CCDC92B: variants seen among roughly 807,000 people sequenced by gnomAD.
The protein encoded by CCDC92B is coiled-coil domain-containing 92B.
A neutral mutation model predicts 5.6 loss-of-function variants in CCDC92B; 2 were observed. The observed-to-expected ratio is 0.36, with a 90% CI of 0.15 to 1.12. CCDC92B has a LOEUF of 1.12. Ranked by LOEUF, CCDC92B falls within the 50% of genes most tolerant of loss-of-function variation. The probability of loss-of-function intolerance (pLI) is 0.40; values close to 1 mark genes in which losing one functional copy is unlikely to be tolerated. For missense variants in CCDC92B, 271 were observed against 262.2 expected, an observed-to-expected ratio of 1.03 and a Z score of -0.23; for synonymous variants, 115 against 122.3, an observed-to-expected ratio of 0.94 and a Z score of 0.39.
rs551261062 is a variant in CCDC92B, at chr17:2,728,598, G to A, written c.178+1848C>T. Among the ~76,000 whole-genome samples the A allele has an allele frequency of 8.5e-3, 1,048 of 123,248 alleles. 8 individuals carry two copies. Among genetic ancestry groups the A allele is most frequent in the African/African-American group, 0.028 (986 of 34,776 alleles). The allele number at this position is 123,248 out of a possible 152,430, so 80.9% of individuals were successfully genotyped here. ...AGCCTGGGCGACAGAGCGAGACTCC[G>A]TCTCAAAAAAAAAAAACAAAAAAAA... is the stretch of plus-strand genomic sequence containing the variant. On this transcript the variant is annotated intron_variant, in intron 3 of 3. Transcript: ENST00000614400.
intron 1 of CCDC92B, among the ~76,000 whole-genome samples, chr17:2,744,589 A>G (rs1341255736): frequency 1.3e-5 from 2 of 151,326 alleles, no homozygotes; most frequent in Non-Finnish European, 3.0e-5. Context: ...TACCTAGCAC[A>G]GTATGTGGCA....
Position 2,723,838 on chromosome 17 carries a change from CT to C in CCDC92B, c.*572del, listed in dbSNP as rs2070687577. On this transcript the variant is annotated 3_prime_UTR_variant, in exon 4 of 4. Transcript: ENST00000614400. The stretch of plus-strand genomic sequence containing the variant: ...CACCAGGGGCTCTGGGAGGACGTGT[CT>C]TCTAAAGTGTTCCGTGCTCACCTGC... 5.9e-6 allele frequency: 3 copies of C among 506,414 alleles called. No homozygotes were observed. Among genetic ancestry groups the C allele is most frequent in the Non-Finnish European group, 7.7e-6 (3 of 391,568 alleles). The allele number at this position is 506,414 out of a possible 1,614,324, so 31.4% of individuals were successfully genotyped here.
Position 2,724,489 on chromosome 17 carries a change from C to A in CCDC92B, c.690G>T (p.Pro230=). 2 of 980,662 alleles carry A rather than the reference C, an allele frequency of 2.0e-6. No individual in the cohort carries two copies. The highest frequency in any genetic ancestry group is 9.3e-5 in the South Asian group (2 of 21,400). The allele number at this position is 980,662 out of a possible 1,614,324, so 60.7% of individuals were successfully genotyped here. ...LRPSARSPRQ[P]PPQEPPDRAG... is the part of the protein sequence containing the mutation. Reference sequence around the variant, plus strand: ...CTCGGTCCGGGGGCTCCTGGGGAGGCGGCTGGCGCGGGCTGCGGGCGCTGG... The same window carrying A: ...CTCGGTCCGGGGGCTCCTGGGGAGGAGGCTGGCGCGGGCTGCGGGCGCTGG... Residue 230 remains proline (P), a synonymous_variant, in exon 4 of 4, where the codon CCG becomes CCT. Coordinates refer to ENST00000614400, the MANE Select transcript of CCDC92B (RefSeq NM_001355573.2). The surrounding 1 kb of genome is among the most constrained non-coding windows in gnomAD (Gnocchi z 5.0).
At position 2,724,903 on chromosome 17, in the gene CCDC92B, C is replaced by T. The variant is rs1198875962; in HGVS notation, c.276G>A (p.Ala92=). The T allele has an allele frequency of 2.0e-6, 2 of 985,108 alleles. No homozygotes were observed. Among genetic ancestry groups the T allele is most frequent in the Non-Finnish European group, 2.4e-6 (2 of 829,846 alleles). 61.0% of individuals were successfully genotyped at this position (985,108 alleles called of 1,614,324 possible). A position where few individuals can be genotyped will look rare whatever the true frequency, so the allele number is the denominator to read the frequency against. Residue 92 remains alanine (A), a synonymous_variant, in exon 4 of 4, where the codon GCG becomes GCA. Coordinates refer to ENST00000614400, the MANE Select transcript of CCDC92B (RefSeq NM_001355573.2). The surrounding 1 kb of genome is among the most constrained non-coding windows in gnomAD (Gnocchi z 5.0). ...AANAELRREV[A]QREALVSALR... is the part of the protein sequence containing the mutation. ...GCGCGGACACCAGCGCCTCGCGCTG[C>T]GCCACCTCCCGCCGCAGCTCCGCGT...
rs912028955 is a variant in CCDC92B, at chr17:2,724,619, G to C, written c.560C>G (p.Pro187Arg). The change falls in exon 4 of 4, where the codon CCC (proline) becomes CGC (arginine). Residue 187 changes from proline (P) to arginine (R), a missense_variant. Pro to Arg is a moderately radical substitution (Grantham distance 103). Coordinates refer to ENST00000614400, the MANE Select transcript of CCDC92B (RefSeq NM_001355573.2). The surrounding 1 kb of genome is among the most constrained non-coding windows in gnomAD (Gnocchi z 5.0). ...PAAHEAAAKG[P>R]GRDWAAWDRG... is the part of the protein sequence containing the mutation. ...GTCCCAGGCGGCCCAGTCCCGGCCG[G>C]GGCCCTTGGCGGCGGCCTCGTGGGC... 1.0e-6 allele frequency: 1 copy of C among 981,720 alleles called. No individual in the cohort carries two copies. Among genetic ancestry groups the C allele is most frequent in the African/African-American group, 1.8e-5 (1 of 56,758 alleles). 60.8% of individuals were successfully genotyped at this position (981,720 alleles called of 1,614,324 possible). A position where few individuals can be genotyped will look rare whatever the true frequency, so the allele number is the denominator to read the frequency against.
intron 1 of CCDC92B, among the ~76,000 whole-genome samples, chr17:2,736,883 A>AAAATAAAT (rs71377535): frequency 0.023 from 3,386 of 145,944 alleles, 75 homozygotes; most frequent in African/African-American, 0.047. Context: ...TCTGTCTCAA[A>AAAATAAAT]AAATAAATAA....
chr17:2,734,285 GCCT>G (rs1415353876), intron 2 of CCDC92B, among the ~76,000 whole-genome samples: 1 of 152,074 alleles, frequency 6.6e-6, no homozygotes, highest in Non-Finnish European at 1.5e-5. Context: ...CGGAGGCTGG[GCCT>G]CCTCCTTCAG....
intron 1 of CCDC92B, among the ~76,000 whole-genome samples, chr17:2,738,410 T>A (rs887385668): frequency 2.6e-5 from 4 of 151,948 alleles, no homozygotes; most frequent in Non-Finnish European, 5.9e-5. Context: ...CCATTTTCCT[T>A]CCCCCTGTAA....
rs2151735664 is a variant in CCDC92B, at chr17:2,724,063, C to T, written c.*348G>A. ...GGCGAGCCCAGCCCTCCCCACCCCA[C>T]CAAGGATTGTCGGCTTTCCCGGGGA... On this transcript the variant is annotated 3_prime_UTR_variant, in exon 4 of 4. Transcript: ENST00000614400. The surrounding 1 kb of genome is among the most constrained non-coding windows in gnomAD (Gnocchi z 5.0). 10 of 985,100 alleles carry T rather than the reference C, an allele frequency of 1.0e-5. No individual in the cohort carries two copies. Among genetic ancestry groups the T allele is most frequent in the Non-Finnish European group, 1.2e-5 (10 of 829,704 alleles). 61.0% of individuals were successfully genotyped at this position (985,100 alleles called of 1,614,324 possible).
At position 2,720,958 on chromosome 17, in the gene CCDC92B, G is replaced by C. The variant is rs2070647320; in HGVS notation, c.*3453C>G. On this transcript the variant is annotated 3_prime_UTR_variant, in exon 4 of 4. Transcript: ENST00000614400. ...AGCAGGGTCCCTCTGCCCTGCCACAGGGCTCCTGCCAGGTGGGTTTGAAGC... is the reference window on the plus strand; with the variant it reads ...AGCAGGGTCCCTCTGCCCTGCCACACGGCTCCTGCCAGGTGGGTTTGAAGC... 6.6e-6 allele frequency: 1 copy of C among 152,250 alleles called. No homozygotes were observed. Among genetic ancestry groups the C allele is most frequent in the Non-Finnish European group, 1.5e-5 (1 of 68,064 alleles). 9.4% of individuals were successfully genotyped at this position (152,250 alleles called of 1,614,324 possible). A position where few individuals can be genotyped will look rare whatever the true frequency, so the allele number is the denominator to read the frequency against.
chr17:2,733,862 G>A (rs541641483), intron 2 of CCDC92B, among the ~76,000 whole-genome samples: 10 of 141,666 alleles, frequency 7.1e-5, no homozygotes, highest in African/African-American at 2.1e-4. Context: ...AGGTTCAAGC[G>A]ATTCTCCTGC....
Position 2,724,584 on chromosome 17 carries a change from CG to C in CCDC92B, c.594del (p.Gly199AlafsTer197). ...ATGGGGTCGGCGTCGTCGAGGGCGC[CG>C]GCCCCGCGGTCCCAGGCGGCCCAGT... ...GRDWAAWDRG[A>X]GALDDADPMP... On this transcript the variant is annotated frameshift_variant, in exon 4 of 4. Coordinates refer to ENST00000614400, the MANE Select transcript of CCDC92B (RefSeq NM_001355573.2). LOFTEE classifies it low-confidence loss of function (END_TRUNC). The surrounding 1 kb of genome is among the most constrained non-coding windows in gnomAD (Gnocchi z 5.0). 1.0e-6 allele frequency: 1 copy of C among 981,912 alleles called. No homozygotes were observed. Among genetic ancestry groups the C allele is most frequent in the Non-Finnish European group, 1.2e-6 (1 of 828,490 alleles). 60.8% of individuals were successfully genotyped at this position (981,912 alleles called of 1,614,324 possible).
chr17:2,743,763 C>T (rs2070951040), intron 1 of CCDC92B, among the ~76,000 whole-genome samples: 2 of 152,218 alleles, frequency 1.3e-5, no homozygotes, highest in South Asian at 4.1e-4. Flanking sequence ...GGGACTTGCT[C>T]TCATCACCCA....
Position 2,722,291 on chromosome 17 carries a change from G to C in CCDC92B, c.*2120C>G, listed in dbSNP as rs1279488206. 2.0e-5 allele frequency: 3 copies of C among 152,294 alleles called. No individual in the cohort carries two copies. The highest frequency in any genetic ancestry group is 2.1e-4 in the South Asian group (1 of 4,812). The allele number at this position is 152,294 out of a possible 1,614,324, so 9.4% of individuals were successfully genotyped here. A position where few individuals can be genotyped will look rare whatever the true frequency, so the allele number is the denominator to read the frequency against. ...TGCAGTGAGTTACACACACTTGAGG[G>C]GGGACAGAGATGGTACAGGCGCAAC... is the stretch of plus-strand genomic sequence containing the variant. On this transcript the variant is annotated 3_prime_UTR_variant, in exon 4 of 4. Transcript: ENST00000614400.
At chr17:2,742,434 C>T (rs566509460) in intron 1 of CCDC92B, among the ~76,000 whole-genome samples, 3 of 152,052 alleles carry the variant, frequency 2.0e-5, no homozygotes, top group South Asian at 2.1e-4. Context: ...GAGGTGAAGG[C>T]GGAGAGTGGT....
At chr17:2,738,653 G>A (rs543044861) in intron 1 of CCDC92B, among the ~76,000 whole-genome samples, 14 of 151,746 alleles carry the variant, frequency 9.2e-5, no homozygotes, top group South Asian at 4.2e-4. Context: ...CCAGCTACTC[G>A]GAGAGGCCGA....
chr17:2,732,123 C>T (rs1347847170), intron 2 of CCDC92B, among the ~76,000 whole-genome samples: 1 of 152,190 alleles, frequency 6.6e-6, no homozygotes, highest in Non-Finnish European at 1.5e-5. Context: ...GTGCTGAACG[C>T]GTGTGAGCAG....
chr17:2,743,512 A>G (rs1354807729), intron 1 of CCDC92B, among the ~76,000 whole-genome samples: 1 of 152,198 alleles, frequency 6.6e-6, no homozygotes. Flanking sequence ...TTTCCATCAC[A>G]TTTAAAACAA....
In CCDC92B at chr17:2,734,317, G is replaced by T. The variant is rs2070833888; in HGVS notation, c.130+699C>A. On this transcript the variant is annotated intron_variant, in intron 2 of 3. Transcript: ENST00000614400. ...CCTTCAGCACCTGCTCCTCAAGCTGGACATGCTCCTGCCCATGAGGTCCTG... is the reference window on the plus strand; with the variant it reads ...CCTTCAGCACCTGCTCCTCAAGCTGTACATGCTCCTGCCCATGAGGTCCTG... 2.6e-5 allele frequency among the ~76,000 whole-genome samples: 4 copies of T among 152,180 alleles called. No individual in the cohort carries two copies. In the South Asian group the frequency reaches 8.3e-4, roughly 32 times the overall value.
Sources: allele counts gnomAD v4.1 joint callset (sites outside exome capture counted in the v4.1 genomes callset), GRCh38; gene constraint gnomAD v4.1.1; non-coding constraint Gnocchi (gnomAD v3.1); transcripts MANE v1.5; gene names NCBI Gene and HGNC (gene_info 2026-07-23, HGNC 2026-07-21).